HMGN5: variants seen among roughly 807,000 people sequenced by gnomAD.
HMGN5 encodes the protein high mobility group nucleosome binding domain 5.
Under a neutral mutation model 9.5 loss-of-function variants are expected in HMGN5, and 4 were observed. That is an observed-to-expected ratio of 0.42 (90% confidence interval 0.21 to 0.96). The LOEUF (loss-of-function observed/expected upper bound fraction) is 0.96, where lower values mean the gene tolerates loss of function less well. Among genes scored for constraint, HMGN5 ranks in the 40% least tolerant of loss-of-function variants. HMGN5 has a pLI of 0.30. For synonymous variants in HMGN5, 55 were observed against 57.1 expected (o/e 0.96, Z 0.16); for missense variants, 192 against 187.5 (o/e 1.02, Z -0.14).
At chrX:81,163,228 G>A (rs1453386348) in intron 1 of HMGN5, among the ~76,000 whole-genome samples, 2 of 112,185 alleles carry the variant, frequency 1.8e-5, no homozygotes, top group Non-Finnish European at 3.8e-5. Flanking sequence ...AGTGAGTGAA[G>A]CTTTAGACAA....
At chrX:81,162,678 A>G (rs138306351) in intron 1 of HMGN5, among the ~76,000 whole-genome samples, 167 of 111,413 alleles carry the variant, frequency 1.5e-3, no homozygotes, top group Admixed American at 1.5e-3. Context: ...TTTAGCTTGC[A>G]TGTCTTCAGG....
intron 1 of HMGN5, among the ~76,000 whole-genome samples, chrX:81,170,333 C>A (rs1490264876): frequency 9.0e-6 from 1 of 111,425 alleles, no homozygotes; most frequent in Non-Finnish European, 1.9e-5. Context: ...GCAAGCACTA[C>A]CTATTTTTAA....
chrX:81,147,931 T>A (rs1484637593), intron 1 of HMGN5, among the ~76,000 whole-genome samples: 1 of 111,543 alleles, frequency 9.0e-6, no homozygotes, highest in Non-Finnish European at 1.9e-5. Context: ...ACAGGGGATG[T>A]GAAGGACCTG....
intron 1 of HMGN5, among the ~76,000 whole-genome samples, chrX:81,133,602 C>T (rs1194276658): frequency 9.0e-6 from 1 of 111,208 alleles, no homozygotes; most frequent in Non-Finnish European, 1.9e-5. Context: ...AAAACTAACC[C>T]AGGAACAGAA....
At chrX:81,173,642 A>T (rs1018591333) in intron 1 of HMGN5, among the ~76,000 whole-genome samples, 6 of 112,003 alleles carry the variant, frequency 5.4e-5, no homozygotes, top group African/African-American at 1.9e-4. Context: ...TGTGTGTTTT[A>T]TATATATACT....
chrX:81,193,669 G>A (rs1182221755), intron 1 of HMGN5, among the ~76,000 whole-genome samples: 1 of 112,100 alleles, frequency 8.9e-6, no homozygotes, highest in Non-Finnish European at 1.9e-5. Flanking sequence ...AGAAAAAATA[G>A]AGCTGCCATT....
chrX:81,128,944 C>G, intron 1 of HMGN5, among the ~76,000 whole-genome samples: 1 of 111,749 alleles, frequency 8.9e-6, no homozygotes, highest in Middle Eastern at 4.6e-3. Context: ...TGCTAATGAC[C>G]ATTTGAAAAT....
At chrX:81,184,740 C>T (rs952566346) in intron 1 of HMGN5, among the ~76,000 whole-genome samples, 2 of 111,322 alleles carry the variant, frequency 1.8e-5, no homozygotes, top group African/African-American at 6.5e-5. Flanking sequence ...TGTTTTCTTT[C>T]AGTAGTTTCT....
At chrX:81,129,145 AC>A (rs2075292278) in intron 1 of HMGN5, among the ~76,000 whole-genome samples, 1 of 111,224 alleles carries the variant, frequency 9.0e-6, no homozygotes, top group Non-Finnish European at 1.9e-5. Flanking sequence ...TGGCTGTGGG[AC>A]GCCAAATCAG....
intron 1 of HMGN5, among the ~76,000 whole-genome samples, chrX:81,170,444 G>A (rs2075423222): frequency 9.0e-6 from 1 of 111,382 alleles, no homozygotes. Flanking sequence ...AATCAATTAT[G>A]GTTATATTCC....
chrX:81,151,395 T>G (rs2075361899), intron 1 of HMGN5, among the ~76,000 whole-genome samples: 1 of 111,598 alleles, frequency 9.0e-6, no homozygotes, highest in East Asian at 2.8e-4. Context: ...GCCTCCAGCT[T>G]TGTTCTTTTG....
At chrX:81,118,646 T>A (rs2075260830) in intron 4 of HMGN5, 84 bp downstream of exon 4, 1 of 900,779 alleles carries the variant, frequency 1.1e-6, no homozygotes, top group African/African-American at 2.0e-5. Flanking sequence ...CAAAAATAAA[T>A]CGTGTATTGA....
rs186384431 is a variant in HMGN5 at position 81,155,344 on chromosome X, G to A, written c.-123-33672C>T. Among the ~76,000 whole-genome samples the A allele has an allele frequency of 3.9e-4, 42 of 106,363 alleles. No individual in the cohort carries two copies. The East Asian group carries it at 7.3e-3, about 19-fold the overall frequency. 92.4% of individuals were successfully genotyped at this position (106,363 alleles called of 115,157 possible). ...AATTCTGGCAAGAATGTGGAGAAAT[G>A]CATCATGGATATGTTGCAGGTGAGA... is the stretch of plus-strand genomic sequence containing the variant. On this transcript the variant is annotated intron_variant, in intron 1 of 6. Coordinates refer to ENST00000358130, the MANE Select transcript of HMGN5 (RefSeq NM_030763.3).
intron 1 of HMGN5, among the ~76,000 whole-genome samples, chrX:81,173,196 A>G (rs1364834921): frequency 9.0e-6 from 1 of 111,298 alleles, no homozygotes; most frequent in Non-Finnish European, 1.9e-5. Flanking sequence ...TTTGAAAAAC[A>G]AAGAATGAAG....
chrX:81,116,565 C>A (rs185189869), intron 5 of HMGN5, among the ~76,000 whole-genome samples: 2 of 111,745 alleles, frequency 1.8e-5, no homozygotes, highest in African/African-American at 3.2e-5. Flanking sequence ...TTGATATAAA[C>A]AAAATAAATT....
chrX:81,126,004 G>A (rs993197597), intron 1 of HMGN5, among the ~76,000 whole-genome samples: 2 of 109,428 alleles, frequency 1.8e-5, no homozygotes, highest in African/African-American at 6.7e-5. Context: ...AAAAATTAGC[G>A]GGGTGTGGTG....
At chrX:81,140,993 G>C (rs748065791) in intron 1 of HMGN5, among the ~76,000 whole-genome samples, 34 of 111,178 alleles carry the variant, frequency 3.1e-4, no homozygotes, top group African/African-American at 1.1e-3. Context: ...AGAGCCCGTG[G>C]GCCTTAAGAG....
rs1017188004 is a variant in HMGN5 at position 81,119,772 on chromosome X, G to A, written c.45+16C>T. ...AGTGGTTTTTCCTAATAGATGCTAA[G>A]ACTAAAGAAACTCACCTCCTGCCTC... is the stretch of plus-strand genomic sequence containing the variant. On this transcript the variant is annotated intron_variant, in intron 3 of 6. Transcript: ENST00000358130. The A allele has an allele frequency of 1.7e-6, 2 of 1,195,093 alleles. No homozygotes were observed. The highest frequency in any genetic ancestry group is 2.3e-6 in the Non-Finnish European group (2 of 882,127).
chrX:81,188,641 G>A (rs1480198419), intron 1 of HMGN5, among the ~76,000 whole-genome samples: 1 of 104,302 alleles, frequency 9.6e-6, no homozygotes, highest in African/African-American at 3.5e-5. Flanking sequence ...CCCACCCCAC[G>A]ACAGGCCCTG....
Sources: gnomAD v4.1 joint callset for allele counts (sites outside exome capture counted in the v4.1 genomes callset) on GRCh38, gnomAD v4.1.1 for gene constraint, MANE v1.5 for transcripts, NCBI Gene and HGNC (gene_info 2026-07-23, HGNC 2026-07-21) for gene names.